MAP7: variants seen among roughly 807,000 people sequenced by gnomAD.
MAP7 encodes the protein ensconsin.
MAP7 carries 52 observed loss-of-function variants against 94.8 expected under a neutral mutation model. The observed-to-expected ratio is 0.55, with a 90% CI of 0.44 to 0.69. The LOEUF is 0.69. Ranked by LOEUF, MAP7 falls within the 30% of genes least tolerant of loss-of-function variation. The pLI, the probability that MAP7 is intolerant of heterozygous loss-of-function variation, is 0.00. For synonymous variants in MAP7, 350 were observed against 357.0 expected (o/e 0.98, Z 0.22); for missense variants, 940 against 964.6 (o/e 0.97, Z 0.34).
chr6:136,459,712 A>T (rs1482953331), intron 1 of MAP7, among the ~76,000 whole-genome samples: 1 of 152,176 alleles, frequency 6.6e-6, no homozygotes, highest in Non-Finnish European at 1.5e-5. Flanking sequence ...TCATAGAAGC[A>T]GAGAATAAAA....
intron 4 of MAP7, 157 bp from the exon 5 acceptor site, chr6:136,388,667 C>T (rs1779838131): frequency 5.2e-6 from 3 of 577,618 alleles, no homozygotes; most frequent in Non-Finnish European, 9.2e-6. Flanking sequence ...AGACTAGTGT[C>T]AATCTGGGAG....
At chr6:136,400,110 T>C (rs558364745) in intron 3 of MAP7, among the ~76,000 whole-genome samples, 1 of 151,638 alleles carries the variant, frequency 6.6e-6, no homozygotes. Context: ...AGTTTTTTTT[T>C]CTTTTTTAAA....
intron 1 of MAP7, among the ~76,000 whole-genome samples, chr6:136,472,894 C>T (rs1310793964): frequency 6.6e-6 from 1 of 151,948 alleles, no homozygotes; most frequent in Non-Finnish European, 1.5e-5. Context: ...TCATCATTCC[C>T]CTGCTCAAAT....
At chr6:136,385,755 A>C (rs1048515505) in intron 5 of MAP7, among the ~76,000 whole-genome samples, 8 of 152,276 alleles carry the variant, frequency 5.3e-5, no homozygotes, top group Non-Finnish European at 1.0e-4. Context: ...CAAAAGAATA[A>C]GTTTTTAATG....
chr6:136,412,132 C>T (rs1220000046), intron 2 of MAP7, among the ~76,000 whole-genome samples: 2 of 152,136 alleles, frequency 1.3e-5, no homozygotes, highest in African/African-American at 4.8e-5. Flanking sequence ...AGTTTCTGCC[C>T]CGTCACTCGC....
In MAP7 at chr6:136,488,469, G is replaced by A. The variant is rs528667415; in HGVS notation, c.67+61873C>T. Among the ~76,000 whole-genome samples the A allele has an allele frequency of 4.9e-5, 7 of 142,628 alleles. No homozygotes were observed. The East Asian group carries it at 1.0e-3, about 21-fold the overall frequency. 93.6% of individuals were successfully genotyped at this position (142,628 alleles called of 152,430 possible). The stretch of plus-strand genomic sequence containing the variant: ...CTTTTTTTTTTTTTTTTTTTGAGAC[G>A]GAGTCTTGCTCTGTTGCCAGGCTGG... On this transcript the variant is annotated intron_variant, in intron 1 of 17. Coordinates refer to ENST00000354570, the MANE Select transcript of MAP7 (RefSeq NM_003980.6).
intron 7 of MAP7, among the ~76,000 whole-genome samples, chr6:136,376,797 G>C (rs902183063): frequency 2.6e-5 from 4 of 152,188 alleles, no homozygotes; most frequent in African/African-American, 4.8e-5. Flanking sequence ...ATGAGATTTA[G>C]GACTGAGATT....
chr6:136,392,868 G>A (rs1781192146), intron 3 of MAP7, among the ~76,000 whole-genome samples: 1 of 152,002 alleles, frequency 6.6e-6, no homozygotes, highest in Admixed American at 6.6e-5. Flanking sequence ...CCATTTTGAG[G>A]AAAATTTCAA....
chr6:136,378,576 C>G (rs1776890884), intron 6 of MAP7, among the ~76,000 whole-genome samples: 1 of 152,130 alleles, frequency 6.6e-6, no homozygotes. Flanking sequence ...TAAAATTAAA[C>G]AGAAAAGCCA....
At chr6:136,523,828 A>T (rs1338086687) in intron 1 of MAP7, among the ~76,000 whole-genome samples, 9 of 152,138 alleles carry the variant, frequency 5.9e-5, no homozygotes, top group Non-Finnish European at 1.0e-4. Context: ...AATTGCCAAA[A>T]ATAAGTAGGT....
chr6:136,458,583 G>C (rs944827168), intron 1 of MAP7, among the ~76,000 whole-genome samples: 1 of 152,044 alleles, frequency 6.6e-6, no homozygotes, highest in Non-Finnish European at 1.5e-5. Flanking sequence ...TAGACAAATG[G>C]AACAGAATAG....
At chr6:136,356,631 G>C in intron 16 of MAP7, 61 bp downstream of exon 16, 1 of 1,306,432 alleles carries the variant, frequency 7.7e-7, no homozygotes, top group Middle Eastern at 2.3e-4. Flanking sequence ...TTGAAATTCT[G>C]GTGGAGCTGG....
At chr6:136,532,749 T>A (rs897472236) in intron 1 of MAP7, among the ~76,000 whole-genome samples, 3 of 152,152 alleles carry the variant, frequency 2.0e-5, no homozygotes, top group African/African-American at 7.2e-5. Flanking sequence ...AAGGCTGAGA[T>A]AAAGCCCTCT....
intron 1 of MAP7, among the ~76,000 whole-genome samples, chr6:136,436,141 G>C (rs1582905852): frequency 6.6e-6 from 1 of 152,158 alleles, no homozygotes; most frequent in Non-Finnish European, 1.5e-5. Flanking sequence ...TCATATTTTA[G>C]AGCTAGTTAG....
At chr6:136,408,158 A>AAG (rs1284697453) in intron 3 of MAP7, among the ~76,000 whole-genome samples, 2 of 152,152 alleles carry the variant, frequency 1.3e-5, no homozygotes, top group African/African-American at 4.8e-5. Context: ...TGCAGAAGTC[A>AAG]AGAGAGAGAG....
chr6:136,366,852 AT>A (rs895971579), intron 8 of MAP7, among the ~76,000 whole-genome samples: 26 of 12,270 alleles, frequency 2.1e-3, no homozygotes, highest in African/African-American at 3.1e-3. Context: ...ATTCTTCAAC[AT>A]TTTCCCCCCA....
At chr6:136,541,162 C>T (rs760208004) in intron 1 of MAP7, among the ~76,000 whole-genome samples, 2 of 152,100 alleles carry the variant, frequency 1.3e-5, no homozygotes, top group Non-Finnish European at 2.9e-5. Flanking sequence ...AACCAGAAGC[C>T]CAGATTCGAA....
intron 1 of MAP7, among the ~76,000 whole-genome samples, chr6:136,506,988 C>A (rs1310407961): frequency 6.6e-6 from 1 of 152,152 alleles, no homozygotes; most frequent in Admixed American, 6.5e-5. Flanking sequence ...AATCACTTTA[C>A]CCCTTTTGTC....
chr6:136,361,504 T>C lies in MAP7; in HGVS notation c.1527-325A>G, dbSNP rs542918306. ...TTCAAATAATGTGACTTCTTAGTAA[T>C]GAATTTGAAGCACCCCAGCCAAAGG... On this transcript the variant is annotated intron_variant, in intron 11 of 17. Transcript: ENST00000354570. 4.6e-5 allele frequency among the ~76,000 whole-genome samples: 7 copies of C among 152,280 alleles called. No individual in the cohort carries two copies. In the East Asian group the frequency reaches 9.6e-4, roughly 21 times the overall value.
Sources: allele counts gnomAD v4.1 joint callset (sites outside exome capture counted in the v4.1 genomes callset), GRCh38; gene constraint gnomAD v4.1.1; transcripts MANE v1.5; gene names NCBI Gene and HGNC (gene_info 2026-07-23, HGNC 2026-07-21).